The following IMPG1 variants were observed in gnomAD, a reference collection of about 807,000 sequenced individuals.
The protein encoded by IMPG1 is interphotoreceptor matrix proteoglycan of 150 kDa.
In IMPG1, 85 loss-of-function variants were observed where a neutral mutation model predicts 92.0. The ratio of observed to expected loss-of-function variants is 0.92; its 90% CI spans 0.78 to 1.11. The LOEUF (loss-of-function observed/expected upper bound fraction) is 1.11. IMPG1 is among the 50% of genes least tolerant of loss of function. The pLI is 0.00. For synonymous variants in IMPG1, 367 were observed against 334.1 expected (o/e 1.10, Z -1.08); for missense variants, 1,022 against 956.0 (o/e 1.07, Z -0.91).
At chr6:76,067,801 C>T (rs1422042713) in intron 1 of IMPG1, among the ~76,000 whole-genome samples, 1 of 152,088 alleles carries the variant, frequency 6.6e-6, no homozygotes, top group Non-Finnish European at 1.5e-5. Flanking sequence ...AAAATAGTAA[C>T]AAATCGAATC....
Position 75,922,064 on chromosome 6 carries a change from AATG to A in IMPG1, c.*22_*24del, listed in dbSNP as rs1368372296. The stretch of plus-strand genomic sequence containing the variant: ...AAATCATCTCTCTTGAGATAGCCTA[AATG>A]ATAATTGTACATTTTCAGTTTTTAA... On this transcript the variant is annotated 3_prime_UTR_variant, in exon 17 of 17. Coordinates refer to ENST00000369950, the MANE Select transcript of IMPG1 (RefSeq NM_001563.4). 2.0e-6 allele frequency: 2 copies of A among 1,023,356 alleles called. No homozygotes were observed. Among genetic ancestry groups the A allele is most frequent in the Admixed American group, 4.0e-5 (2 of 50,620 alleles). The allele number at this position is 1,023,356 out of a possible 1,614,324, so 63.4% of individuals were successfully genotyped here.
intron 2 of IMPG1, among the ~76,000 whole-genome samples, chr6:76,040,949 G>A (rs1047597625): frequency 3.3e-5 from 5 of 152,044 alleles, no homozygotes; most frequent in African/African-American, 1.2e-4. Flanking sequence ...TCCAGTAGAT[G>A]GGCTTTAAAT....
chr6:75,922,453 G>C (rs1781446066), intron 16 of IMPG1, among the ~76,000 whole-genome samples: 1 of 152,152 alleles, frequency 6.6e-6, no homozygotes, highest in East Asian at 1.9e-4. Context: ...AACCATAGTA[G>C]ACACCATTAG....
chr6:75,986,264 G>A (rs1228870061), intron 12 of IMPG1, among the ~76,000 whole-genome samples: 1 of 152,100 alleles, frequency 6.6e-6, no homozygotes, highest in Non-Finnish European at 1.5e-5. Flanking sequence ...TACTTGGGTG[G>A]TGCACGTTAC....
chr6:75,975,456 C>T (rs1241394360), intron 12 of IMPG1, among the ~76,000 whole-genome samples: 1 of 152,146 alleles, frequency 6.6e-6, no homozygotes. Context: ...TGTTGAGTAT[C>T]ACCTAGCATA....
intron 13 of IMPG1, among the ~76,000 whole-genome samples, chr6:75,947,857 TA>T (rs5877465): frequency 0.48 from 70,150 of 147,124 alleles, 16,354 homozygotes; most frequent in South Asian, 0.54. Flanking sequence ...GTTCAGTTAT[TA>T]AAAAAAAAAA....
At chr6:75,938,642 G>A (rs568076684) in intron 14 of IMPG1, among the ~76,000 whole-genome samples, 6 of 151,944 alleles carry the variant, frequency 3.9e-5, no homozygotes, top group Admixed American at 6.6e-5. Context: ...GTGAAACCCC[G>A]TCTCCACTAA....
At chr6:76,051,029 A>G (rs1247265425) in intron 1 of IMPG1, among the ~76,000 whole-genome samples, 1 of 152,236 alleles carries the variant, frequency 6.6e-6, no homozygotes, top group Non-Finnish European at 1.5e-5. Flanking sequence ...TTTCTACAGA[A>G]CAAAAATCAT....
At chr6:75,982,738 C>T (rs900572579) in intron 12 of IMPG1, among the ~76,000 whole-genome samples, 1 of 151,904 alleles carries the variant, frequency 6.6e-6, no homozygotes, top group African/African-American at 2.4e-5. Context: ...TTTAATGTAA[C>T]ATTTTAACTA....
chr6:75,935,621 C>T (rs1781732670), intron 14 of IMPG1, among the ~76,000 whole-genome samples: 1 of 152,160 alleles, frequency 6.6e-6, no homozygotes, highest in African/African-American at 2.4e-5. Context: ...GGGGTCATTC[C>T]TTTGCCTGGG....
intron 2 of IMPG1, among the ~76,000 whole-genome samples, chr6:76,040,425 G>A (rs1192881134): frequency 1.3e-5 from 2 of 152,158 alleles, no homozygotes; most frequent in East Asian, 1.9e-4. Context: ...CTGAGCAAAC[G>A]ATATGGAATT....
chr6:75,956,206 G>A lies in IMPG1; in HGVS notation c.1292-5112C>T, dbSNP rs1054929654. On this transcript the variant is annotated intron_variant, in intron 12 of 16. Coordinates refer to ENST00000369950, the MANE Select transcript of IMPG1 (RefSeq NM_001563.4). ...CCTCTTTGTACCTCTGGTAGAATTT[G>A]GTTGTGAATCCATCCAGTCCTGGGC... Among the ~76,000 whole-genome samples, 3 of 152,300 alleles carry A rather than the reference G, an allele frequency of 2.0e-5. No homozygotes were observed. The East Asian group carries it at 5.8e-4, about 29-fold the overall frequency.
At chr6:75,957,972 C>A (rs998004591) in intron 12 of IMPG1, among the ~76,000 whole-genome samples, 28 of 152,024 alleles carry the variant, frequency 1.8e-4, no homozygotes, top group Admixed American at 1.8e-3. Context: ...TTATTTTGCC[C>A]GTTTGTTGAT....
chr6:76,067,802 A>C (rs933438080), intron 1 of IMPG1, among the ~76,000 whole-genome samples: 4 of 152,178 alleles, frequency 2.6e-5, no homozygotes, highest in Non-Finnish European at 5.9e-5. Context: ...AAATAGTAAC[A>C]AATCGAATCC....
Position 76,072,581 on chromosome 6 carries a change from A to G in IMPG1, c.-93T>C, listed in dbSNP as rs1213402623. 1.7e-5 allele frequency: 12 copies of G among 713,756 alleles called. No homozygotes were observed. The highest frequency in any genetic ancestry group is 2.3e-5 in the Non-Finnish European group (10 of 425,904). The allele number at this position is 713,756 out of a possible 1,614,324, so 44.2% of individuals were successfully genotyped here. A position where few individuals can be genotyped will look rare whatever the true frequency, so the allele number is the denominator to read the frequency against. ...ACAGAAATGTGAAAAATAATTATAT[A>G]TTGATACCAGATGATTGAGGATAAC... is the stretch of plus-strand genomic sequence containing the variant. On this transcript the variant is annotated 5_prime_UTR_variant, in exon 1 of 17. Coordinates refer to ENST00000369950, the MANE Select transcript of IMPG1 (RefSeq NM_001563.4).
chr6:75,927,583 G>C (rs1781577444), intron 15 of IMPG1, among the ~76,000 whole-genome samples: 1 of 152,060 alleles, frequency 6.6e-6, no homozygotes, highest in Admixed American at 6.5e-5. Flanking sequence ...TAGGGGCAAC[G>C]GGTTTGTCCT....
chr6:75,931,722 T>C (rs1228630248), intron 14 of IMPG1, among the ~76,000 whole-genome samples: 1 of 152,240 alleles, frequency 6.6e-6, no homozygotes, highest in Non-Finnish European at 1.5e-5. Context: ...GAGTCATTCT[T>C]TTGGATTAAT....
intron 6 of IMPG1, 90 bp from the exon 7 acceptor site, chr6:76,018,948 G>A: frequency 1.6e-6 from 2 of 1,221,404 alleles, no homozygotes; most frequent in Non-Finnish European, 1.1e-6. Flanking sequence ...ACTGTCTCAA[G>A]AAGTGGATTA....
intron 10 of IMPG1, among the ~76,000 whole-genome samples, chr6:76,004,343 T>G (rs1258963650): frequency 6.6e-6 from 1 of 152,176 alleles, no homozygotes; most frequent in Non-Finnish European, 1.5e-5. Context: ...ACTTTCAACC[T>G]AAAGCCTGAT....
Sources: gnomAD v4.1 joint callset for allele counts (sites outside exome capture counted in the v4.1 genomes callset) on GRCh38, gnomAD v4.1.1 for gene constraint, MANE v1.5 for transcripts, NCBI Gene and HGNC (gene_info 2026-07-23, HGNC 2026-07-21) for gene names.